Variants in EFCAB7 observed in about 807,000 individuals in gnomAD.
EFCAB7 encodes the protein EF-hand calcium-binding domain-containing protein 7.
A neutral mutation model predicts 77.1 loss-of-function variants in EFCAB7; 66 were observed. The observed-to-expected ratio is 0.86, with a 90% confidence interval of 0.70 to 1.05. The LOEUF is 1.05. EFCAB7 is among the 50% of genes least tolerant of loss of function. The pLI is 0.00. For synonymous variants in EFCAB7, 225 were observed against 243.3 expected (o/e 0.92, Z 0.70); for missense variants, 638 against 730.5 (o/e 0.87, Z 1.46).
At chr1:63,540,645 ATGT>A (rs1024066738) in intron 6 of EFCAB7, among the ~76,000 whole-genome samples, 2 of 152,102 alleles carry the variant, frequency 1.3e-5, no homozygotes, top group African/African-American at 4.8e-5. Flanking sequence ...CCTCATAGTG[ATGT>A]TGTTGAAATA....
downstream of EFCAB7, among the ~76,000 whole-genome samples, chr1:63,574,686 C>G (rs185958954): frequency 4.7e-4 from 71 of 152,194 alleles, 1 homozygote; most frequent in African/African-American, 1.6e-3. Context: ...GGAAGTAAAG[C>G]GGCTTTGAGA....
At position 63,525,672 on chromosome 1, in the gene EFCAB7, A is replaced by T. The variant is rs752540550; in HGVS notation, c.100A>T (p.Ile34Leu). ...TKKFPLTEEE[I>L]FYMNCRAAYL... ...GAAATTTCCACTAACTGAAGAGGAA[A>T]TATTTTATATGAATTGTAGAGCTGC... The change falls in exon 2 of 14, where the codon ATA becomes TTA. Residue 34 changes from isoleucine to leucine, a missense_variant. Transcript: ENST00000371088. 1.2e-6 allele frequency: 2 copies of T among 1,601,670 alleles called. No homozygotes were observed. The highest frequency in any genetic ancestry group is 2.7e-5 in the African/African-American group (2 of 73,732).
Position 63,532,671 on chromosome 1 carries a change from G to C in EFCAB7, c.401G>C (p.Arg134Thr). The C allele has an allele frequency of 1.9e-6, 3 of 1,577,852 alleles. No homozygotes were observed. The highest frequency in any genetic ancestry group is 1.4e-5 in the African/African-American group (1 of 72,038). Residue 134 changes from arginine to threonine, a missense_variant and splice_region_variant, in exon 4 of 14, where the codon AGA (arginine) becomes ACA (threonine). Arg to Thr is a moderately conservative substitution (Grantham distance 71, BLOSUM62 -1). Transcript: ENST00000371088. ...HTDLYKFLTK[R>T]GEKMTREEVN... is the part of the protein sequence containing the mutation. ...ATAAATCTTGTTTTTTTTTTTCAGA[G>C]AGGTGAGAAGATGACTCGAGAAGAA...
Position 63,545,936 on chromosome 1 carries a change from A to G in EFCAB7, c.825A>G (p.Ser275=). The G allele has an allele frequency of 6.2e-7, 1 of 1,613,610 alleles. No homozygotes were observed. ...NLIKDWQHMQ[S]KGCFFLEEDG... is the part of the protein sequence containing the mutation. ...TTCAGGACTGGCAACACATGCAATCAAAAGGTTGCTTCTTCTTAGAAGAAG... is the reference window on the plus strand; with the variant it reads ...TTCAGGACTGGCAACACATGCAATCGAAAGGTTGCTTCTTCTTAGAAGAAG... Residue 275 remains serine (S), a synonymous_variant, in exon 7 of 14, where the codon TCA becomes TCG. Coordinates refer to ENST00000371088, the MANE Select transcript of EFCAB7 (RefSeq NM_032437.4).
In EFCAB7 at chr1:63,571,008, CT is replaced by C. The variant is rs772688250; in HGVS notation, c.1708-6del. 7 of 1,567,298 alleles carry C rather than the reference CT, an allele frequency of 4.5e-6. No homozygotes were observed. The highest frequency in any genetic ancestry group is 4.1e-5 in the African/African-American group (3 of 73,178). On this transcript the variant is annotated splice_polypyrimidine_tract_variant and intron_variant, in intron 12 of 13. Coordinates refer to ENST00000371088, the MANE Select transcript of EFCAB7 (RefSeq NM_032437.4). ...AGAAAGGAATAGCAGCTTATGAAAT[CT>C]TTTTTTAATAGTCAGATGAGAAAGT... is the stretch of plus-strand genomic sequence containing the variant.
Position 63,561,867 on chromosome 1 carries a change from T to A in EFCAB7, c.1497+10T>A, listed in dbSNP as rs202063460. The A allele has an allele frequency of 2.5e-5, 39 of 1,548,762 alleles. No individual in the cohort carries two copies. The highest frequency in any genetic ancestry group is 3.4e-5 in the Non-Finnish European group (39 of 1,150,088). ...TCTGGAGTTGACAGAGGTAAAGTAT[T>A]CTTAAACTTTTGCCAATGGGTTTAA... On this transcript the variant is annotated intron_variant, in intron 11 of 13. Coordinates refer to ENST00000371088, the MANE Select transcript of EFCAB7 (RefSeq NM_032437.4).
In EFCAB7 at chr1:63,568,526, A is replaced by G. The variant is rs373730748; in HGVS notation, c.1707+7A>G. 2.0e-5 allele frequency: 32 copies of G among 1,601,392 alleles called. No homozygotes were observed. Among genetic ancestry groups the G allele is most frequent in the African/African-American group, 2.7e-5 (2 of 74,242 alleles). On this transcript the variant is annotated splice_region_variant and intron_variant, in intron 12 of 13. Transcript: ENST00000371088. Reference sequence around the variant, plus strand: ...GTCAGTTATTGAAAACAAGGTATCAATTATGAGGTGGTTTTCCTCATTTTG... The same window carrying G: ...GTCAGTTATTGAAAACAAGGTATCAGTTATGAGGTGGTTTTCCTCATTTTG...
chr1:63,554,920 G>A (rs1647011943), intron 8 of EFCAB7, among the ~76,000 whole-genome samples: 1 of 151,998 alleles, frequency 6.6e-6, no homozygotes, highest in Admixed American at 6.5e-5. Context: ...ATCTGATTTA[G>A]ATATCATATA....
In EFCAB7 at chr1:63,561,851, GACAGA is replaced by G; in HGVS notation, c.1492_1496del (p.Thr498GlyfsTer7). 6.4e-7 allele frequency: 1 copy of G among 1,569,306 alleles called. No individual in the cohort carries two copies. Among genetic ancestry groups the G allele is most frequent in the Non-Finnish European group, 8.6e-7 (1 of 1,158,996 alleles). ...TGGGCTACAATAAAGCTCTGGAGTT[GACAGA>G]GGTAAAGTATTCTTAAACTTTTGCC... On this transcript the variant is annotated frameshift_variant and splice_region_variant, in exon 11 of 14. Transcript: ENST00000371088. LOFTEE classifies it high-confidence loss of function.
At chr1:63,584,429 G>A in the EFCAB7 span, among the ~76,000 whole-genome samples, 1 of 152,160 alleles carries the variant, frequency 6.6e-6, no homozygotes, top group African/African-American at 2.4e-5. Context: ...GCACACACCT[G>A]TAGTCCCGGC....
At chr1:63,548,384 T>A (rs368521796) in intron 7 of EFCAB7, 118 of 152,236 alleles carry the variant, frequency 7.8e-4, no homozygotes, top group African/African-American at 2.6e-3. Flanking sequence ...AGGTCAAGAT[T>A]TTATCTTAAT....
At chr1:63,576,353 G>A (rs578122423), downstream of EFCAB7, among the ~76,000 whole-genome samples, 43 of 151,814 alleles carry the variant, frequency 2.8e-4, no homozygotes, top group Non-Finnish European at 5.6e-4. Flanking sequence ...GCTGGCGGAC[G>A]CCTGTAATCC....
At chr1:63,554,534 T>C (rs918901517) in intron 8 of EFCAB7, among the ~76,000 whole-genome samples, 13 of 152,162 alleles carry the variant, frequency 8.5e-5, no homozygotes, top group African/African-American at 3.1e-4. Context: ...GAGGTGGGGT[T>C]TCACCAAGTT....
intron 11 of EFCAB7, 57 bp from the exon 12 acceptor site, chr1:63,568,253 A>C: frequency 7.2e-7 from 1 of 1,393,064 alleles, no homozygotes; most frequent in Non-Finnish European, 9.8e-7. Context: ...GTAACATATT[A>C]ATAATTTATT....
At chr1:63,559,030 A>T (rs1044447830) in intron 10 of EFCAB7, among the ~76,000 whole-genome samples, 13 of 152,022 alleles carry the variant, frequency 8.6e-5, no homozygotes, top group African/African-American at 2.2e-4. Flanking sequence ...AGAAAAAAAA[A>T]AAAAAATTGG....
intron 11 of EFCAB7, among the ~76,000 whole-genome samples, chr1:63,562,424 T>A (rs12043970): frequency 0.048 from 6,288 of 130,736 alleles, 295 homozygotes; most frequent in East Asian, 0.13. Context: ...AATAAAAATT[T>A]AAAAATTAGG....
In EFCAB7 at chr1:63,557,374, A is replaced by C. The variant is rs557062742; in HGVS notation, c.1348+127A>C. 109 of 869,188 alleles carry C rather than the reference A, an allele frequency of 1.3e-4. No individual in the cohort carries two copies. In the African/African-American group the frequency reaches 1.8e-3, roughly 15 times the overall value. The allele number at this position is 869,188 out of a possible 1,614,324, so 53.8% of individuals were successfully genotyped here. ...ATAGCATTTAGGACAGTTTGAAAGT[A>C]GTATTGTTTGTAGATCATAAAAACT... On this transcript the variant is annotated intron_variant, in intron 10 of 13. Coordinates refer to ENST00000371088, the MANE Select transcript of EFCAB7 (RefSeq NM_032437.4).
At chr1:63,527,240 T>A (rs1187294339) in intron 2 of EFCAB7, among the ~76,000 whole-genome samples, 1 of 152,256 alleles carries the variant, frequency 6.6e-6, no homozygotes, top group Non-Finnish European at 1.5e-5. Context: ...ACTAAGGTGC[T>A]ATCAATCTTA....
chr1:63,556,963 A>C (rs1557684298), intron 9 of EFCAB7, 151 bp from the exon 10 acceptor site: 1 of 441,576 alleles, frequency 2.3e-6, no homozygotes, highest in Non-Finnish European at 3.7e-6. Context: ...GCGTGAACCC[A>C]GGAGGCGGTG....
Sources: allele counts gnomAD v4.1 joint callset (sites outside exome capture counted in the v4.1 genomes callset), GRCh38; gene constraint gnomAD v4.1.1; transcripts MANE v1.5; gene names NCBI Gene and HGNC (gene_info 2026-07-23, HGNC 2026-07-21).